Variants in EXOC6 observed in about 807,000 individuals in gnomAD.
The protein encoded by EXOC6 is exocyst complex component 6, also known as SEC15-like 1.
Under a neutral mutation model 112.5 loss-of-function variants are expected in EXOC6, and 60 were observed. The ratio of observed to expected loss-of-function variants is 0.53; its 90% CI spans 0.43 to 0.66. EXOC6 has a LOEUF of 0.66. Ranked by LOEUF, EXOC6 falls within the 30% of genes least tolerant of loss-of-function variation. The probability of loss-of-function intolerance (pLI) is 0.00; values close to 1 mark genes in which losing one functional copy is unlikely to be tolerated. For synonymous variants in EXOC6, 295 were observed against 308.0 expected, an observed-to-expected ratio of 0.96 and a Z score of 0.44; for missense variants, 855 against 957.1, an observed-to-expected ratio of 0.89 and a Z score of 1.41.
chr10:92,998,628 CCACACACACACACACACACACACA>C (rs55823754), intron 19 of EXOC6, among the ~76,000 whole-genome samples: 1 of 141,346 alleles, frequency 7.1e-6, no homozygotes, highest in East Asian at 2.1e-4. Flanking sequence ...CTGTTGCACA[CCACACACACACACACACACACACA>C]CACACACACA....
At chr10:92,881,590 A>T (rs2133769263) in intron 1 of EXOC6, among the ~76,000 whole-genome samples, 1 of 152,304 alleles carries the variant, frequency 6.6e-6, no homozygotes, top group South Asian at 2.1e-4. Flanking sequence ...TAATATTGGT[A>T]GAAGGAATCT....
intron 20 of EXOC6, among the ~76,000 whole-genome samples, chr10:93,031,118 A>G (rs2134291029): frequency 6.6e-6 from 1 of 152,282 alleles, no homozygotes; most frequent in African/African-American, 2.4e-5. Context: ...TAGAGGAACA[A>G]AAGCTACTTT....
chr10:92,991,101 T>A (rs902180079), intron 18 of EXOC6, among the ~76,000 whole-genome samples: 2 of 150,478 alleles, frequency 1.3e-5, no homozygotes, highest in Non-Finnish European at 1.5e-5. Context: ...ACTTCTGTTG[T>A]CTAAACCATT....
chr10:92,837,221 T>C (rs1346259793), intron 1 of EXOC6, among the ~76,000 whole-genome samples: 1 of 152,108 alleles, frequency 6.6e-6, no homozygotes, highest in Non-Finnish European at 1.5e-5. Flanking sequence ...TAGATGTGAA[T>C]ATTCAGTTGT....
At chr10:92,930,357 G>A (rs1399166000) in intron 9 of EXOC6, among the ~76,000 whole-genome samples, 1 of 152,034 alleles carries the variant, frequency 6.6e-6, no homozygotes, top group African/African-American at 2.4e-5. Flanking sequence ...ACAAAAATTA[G>A]CCAGGCATAG....
At chr10:92,917,533 C>CT (rs11295643) in intron 7 of EXOC6, among the ~76,000 whole-genome samples, 1,939 of 139,494 alleles carry the variant, frequency 0.014, 23 homozygotes, top group Non-Finnish European at 0.018. Context: ...TTTTTTCTTT[C>CT]TTTTTTTTTT....
chr10:92,849,708 C>G (rs1177815639), intron 1 of EXOC6, among the ~76,000 whole-genome samples: 1 of 152,188 alleles, frequency 6.6e-6, no homozygotes, highest in Non-Finnish European at 1.5e-5. Flanking sequence ...TATGTAAATA[C>G]ACCTTGCCCT....
intron 20 of EXOC6, among the ~76,000 whole-genome samples, chr10:93,036,992 C>T (rs996862043): frequency 6.6e-6 from 1 of 152,042 alleles, no homozygotes; most frequent in African/African-American, 2.4e-5. Flanking sequence ...AGTTTGTCAA[C>T]TATGGAGGGT....
At chr10:92,827,474 CAAAAAAAAAAAAAAAAAAAAAAAA>C (rs60863083) in intron 1 of EXOC6, among the ~76,000 whole-genome samples, 1 of 33,196 alleles carries the variant, frequency 3.0e-5, no homozygotes, top group African/African-American at 1.3e-4. Flanking sequence ...GCCCTGTTGC[CAAAAAAAAAAAAAAAAAAAAAAAA>C]AAAAAAAATC....
At chr10:92,862,483 A>G (rs907504252) in intron 1 of EXOC6, among the ~76,000 whole-genome samples, 1 of 152,180 alleles carries the variant, frequency 6.6e-6, no homozygotes, top group Admixed American at 6.5e-5. Context: ...CCTGAGAGCT[A>G]GCTTGCCCCT....
intron 1 of EXOC6, among the ~76,000 whole-genome samples, chr10:92,892,344 C>CA (rs1564806125): frequency 6.6e-6 from 1 of 152,214 alleles, no homozygotes; most frequent in Non-Finnish European, 1.5e-5. Context: ...TTGTGGACAG[C>CA]ACTTACTGCT....
At chr10:92,865,337 C>G (rs1848123053) in intron 1 of EXOC6, among the ~76,000 whole-genome samples, 1 of 152,020 alleles carries the variant, frequency 6.6e-6, no homozygotes, top group Non-Finnish European at 1.5e-5. Context: ...AGCTTGAGAC[C>G]AGCCTGGCCA....
chr10:93,051,079 GA>G (rs1309559864), intron 20 of EXOC6, among the ~76,000 whole-genome samples: 2 of 147,054 alleles, frequency 1.4e-5, no homozygotes, highest in Admixed American at 1.4e-4. Context: ...TGACCAAAAA[GA>G]AAAAAATCAA....
chr10:93,005,558 GTCACAGAAATTCT>G lies in EXOC6; in HGVS notation c.2095+7946_2095+7958del, dbSNP rs373645774. ...CTTCTAAACAAGTTCTTACAAAGGT[GTCACAGAAATTCT>G]TCCTGTTACTAAGAAAATACAGACT... On this transcript the variant is annotated intron_variant, in intron 19 of 21. Transcript: ENST00000260762. 3.5e-3 allele frequency among the ~76,000 whole-genome samples: 539 copies of G among 152,274 alleles called. 1 individual carries two copies. Among genetic ancestry groups the G allele is most frequent in the African/African-American group, 0.012 (513 of 41,562 alleles).
At chr10:93,023,645 G>C (rs1295351976) in intron 20 of EXOC6, among the ~76,000 whole-genome samples, 2 of 152,094 alleles carry the variant, frequency 1.3e-5, no homozygotes, top group African/African-American at 4.8e-5. Context: ...CTGAAATTAA[G>C]TTGCTAAATG....
chr10:92,891,135 T>G (rs543371779), intron 1 of EXOC6, among the ~76,000 whole-genome samples: 1 of 152,132 alleles, frequency 6.6e-6, no homozygotes, highest in South Asian at 2.1e-4. Flanking sequence ...ACTAGAAAAG[T>G]GGGGTTTACT....
At chr10:92,888,768 A>G (rs747998407) in intron 1 of EXOC6, among the ~76,000 whole-genome samples, 6 of 152,240 alleles carry the variant, frequency 3.9e-5, no homozygotes, top group Admixed American at 1.3e-4. Flanking sequence ...AAATTTGTTT[A>G]TAGCACACCA....
chr10:92,969,360 A>C (rs1358047913), intron 17 of EXOC6, among the ~76,000 whole-genome samples: 1 of 152,152 alleles, frequency 6.6e-6, no homozygotes, highest in Non-Finnish European at 1.5e-5. Context: ...ATTGAGTCTT[A>C]TTGCCAGCCT....
chr10:92,892,848 T>C (rs1849574462), intron 1 of EXOC6, among the ~76,000 whole-genome samples: 1 of 152,210 alleles, frequency 6.6e-6, no homozygotes, highest in Admixed American at 6.5e-5. Flanking sequence ...CTATCACTTG[T>C]GCTGGTTGTG....
Sources: gnomAD v4.1 joint callset for allele counts (sites outside exome capture counted in the v4.1 genomes callset) on GRCh38, gnomAD v4.1.1 for gene constraint, MANE v1.5 for transcripts, NCBI Gene and HGNC (gene_info 2026-07-23, HGNC 2026-07-21) for gene names.